The following CPQ variants were observed in gnomAD, a reference collection of about 807,000 sequenced individuals.
CPQ encodes the protein Ser-Met dipeptidase.
A neutral mutation model predicts 45.7 loss-of-function variants in CPQ; 37 were observed. The observed-to-expected ratio is 0.81, with a 90% CI of 0.62 to 1.07. CPQ has a LOEUF of 1.07. Among genes scored for constraint, CPQ ranks in the 50% least tolerant of loss-of-function variants. The pLI is 0.00. For missense variants in CPQ, 537 were observed against 572.9 expected (o/e 0.94, Z 0.64); for synonymous variants, 186 against 205.8 (o/e 0.90, Z 0.82).
At chr8:97,109,272 G>A (rs1811461768) in intron 7 of CPQ, among the ~76,000 whole-genome samples, 1 of 152,134 alleles carries the variant, frequency 6.6e-6, no homozygotes, top group South Asian at 2.1e-4. Context: ...GATCTCCACT[G>A]TTGGTCTATG....
At chr8:96,817,268 CTT>C (rs1035554710) in intron 2 of CPQ, among the ~76,000 whole-genome samples, 15 of 152,128 alleles carry the variant, frequency 9.9e-5, no homozygotes, top group Non-Finnish European at 8.8e-5. Context: ...TATGGGCCCT[CTT>C]TCCTTAAATG....
intron 2 of CPQ, among the ~76,000 whole-genome samples, chr8:96,799,409 T>TGA (rs1810978004): frequency 6.6e-6 from 1 of 152,222 alleles, no homozygotes; most frequent in Non-Finnish European, 1.5e-5. Flanking sequence ...TATTTGCACA[T>TGA]GACCTCATCT....
intron 4 of CPQ, among the ~76,000 whole-genome samples, chr8:96,941,621 G>T (rs1214431957): frequency 6.6e-6 from 1 of 152,108 alleles, no homozygotes; most frequent in Non-Finnish European, 1.5e-5. Context: ...AGGCAGCTTA[G>T]AACTGAGGGT....
chr8:96,960,837 C>A (rs1813448366), intron 4 of CPQ, among the ~76,000 whole-genome samples: 1 of 151,638 alleles, frequency 6.6e-6, no homozygotes, highest in Non-Finnish European at 1.5e-5. Context: ...TTTTTTGTTG[C>A]CTATTTTTGT....
At position 97,059,848 on chromosome 8, in the gene CPQ, G is replaced by A. The variant is rs77987240; in HGVS notation, c.1054-6161G>A. 7.0e-3 allele frequency among the ~76,000 whole-genome samples: 1,068 copies of A among 152,248 alleles called. 12 individuals carry two copies. Among genetic ancestry groups the A allele is most frequent in the African/African-American group, 0.024 (1,006 of 41,550 alleles). Reference sequence around the variant, plus strand: ...ATTTACATTTACAGGGCAAGAAAGAGTTACTAAAATTGATTGCCCTGTGTC... The same window carrying A: ...ATTTACATTTACAGGGCAAGAAAGAATTACTAAAATTGATTGCCCTGTGTC... On this transcript the variant is annotated intron_variant, in intron 6 of 7. Transcript: ENST00000220763.
intron 4 of CPQ, among the ~76,000 whole-genome samples, chr8:96,921,351 A>C (rs780203613): frequency 1.3e-5 from 2 of 152,204 alleles, no homozygotes; most frequent in African/African-American, 2.4e-5. Context: ...AAATTTGCCA[A>C]TCTCAAAAGA....
chr8:96,990,221 CT>C (rs1300968873), intron 5 of CPQ, among the ~76,000 whole-genome samples: 2 of 152,208 alleles, frequency 1.3e-5, no homozygotes, highest in African/African-American at 4.8e-5. Flanking sequence ...GATGTCTCCT[CT>C]CCCTAGACCC....
intron 5 of CPQ, among the ~76,000 whole-genome samples, chr8:97,011,942 C>T (rs149896656): frequency 5.1e-4 from 78 of 152,192 alleles, no homozygotes; most frequent in African/African-American, 1.6e-3. Flanking sequence ...ACCCAGTGTG[C>T]GCGCTCTCTC....
Position 97,070,588 on chromosome 8 carries a change from A to G in CPQ, c.1255+4378A>G, listed in dbSNP as rs563989596. On this transcript the variant is annotated intron_variant, in intron 7 of 7. Transcript: ENST00000220763. The stretch of plus-strand genomic sequence containing the variant: ...AGGATACTAAGAGCCAAAAATGTAT[A>G]AAAAATATTGGGAGAATGATATAAA... Among the ~76,000 whole-genome samples the G allele has an allele frequency of 5.9e-5, 9 of 152,304 alleles. No individual in the cohort carries two copies. In the East Asian group the frequency reaches 1.3e-3, roughly 23 times the overall value.
At chr8:96,844,992 T>C (rs1333510061) in intron 3 of CPQ, among the ~76,000 whole-genome samples, 1 of 152,236 alleles carries the variant, frequency 6.6e-6, no homozygotes, top group Non-Finnish European at 1.5e-5. Context: ...GCAGCAAATA[T>C]TCTATTTCAA....
chr8:96,795,536 G>A (rs1810916902), intron 2 of CPQ, among the ~76,000 whole-genome samples: 1 of 152,088 alleles, frequency 6.6e-6, no homozygotes, highest in South Asian at 2.1e-4. Context: ...ATATGCATAT[G>A]TATTTTATTT....
At chr8:96,698,193 A>G (rs929298518) in intron 1 of CPQ, among the ~76,000 whole-genome samples, 3 of 152,130 alleles carry the variant, frequency 2.0e-5, no homozygotes, top group South Asian at 2.1e-4. Flanking sequence ...AAATAAATCT[A>G]TACATCTATG....
intron 1 of CPQ, among the ~76,000 whole-genome samples, chr8:96,702,112 A>G (rs1809469671): frequency 1.3e-5 from 2 of 152,212 alleles, no homozygotes; most frequent in Admixed American, 1.3e-4. Context: ...GGCTGTTTGC[A>G]GAACTGCGGG....
chr8:96,721,342 TC>T (rs1319550678), intron 1 of CPQ, among the ~76,000 whole-genome samples: 3 of 152,038 alleles, frequency 2.0e-5, no homozygotes, highest in Non-Finnish European at 4.4e-5. Context: ...GTTTTTATTC[TC>T]TCAGAGATTG....
chr8:96,869,864 G>T (rs764398241), intron 3 of CPQ, among the ~76,000 whole-genome samples: 41 of 152,126 alleles, frequency 2.7e-4, no homozygotes, highest in Non-Finnish European at 4.6e-4. Context: ...AAAGGTCAAA[G>T]AGGTGATTCT....
At chr8:96,959,934 T>C (rs1039834712) in intron 4 of CPQ, among the ~76,000 whole-genome samples, 2 of 151,622 alleles carry the variant, frequency 1.3e-5, no homozygotes, top group African/African-American at 4.8e-5. Flanking sequence ...GTAGCTGTCT[T>C]TCTGGTTTTT....
At chr8:96,757,360 A>G (rs768216826) in intron 1 of CPQ, among the ~76,000 whole-genome samples, 591 of 20,726 alleles carry the variant, frequency 0.029, 5 homozygotes, top group African/African-American at 0.054. Flanking sequence ...CAATGATAAT[A>G]ATAATAATAA....
intron 1 of CPQ, among the ~76,000 whole-genome samples, chr8:96,670,928 C>A (rs375549192): frequency 6.9e-6 from 1 of 145,024 alleles, no homozygotes; most frequent in African/African-American, 2.9e-5. Flanking sequence ...AGCAACAGGA[C>A]GGACGGATCC....
intron 1 of CPQ, among the ~76,000 whole-genome samples, chr8:96,668,871 C>CAA (rs113480247): frequency 3.1e-5 from 4 of 129,492 alleles, no homozygotes; most frequent in African/African-American, 1.1e-4. Flanking sequence ...ATGGTGCAGA[C>CAA]AAAAAAAAAA....
Sources: allele counts gnomAD v4.1 joint callset (sites outside exome capture counted in the v4.1 genomes callset), GRCh38; gene constraint gnomAD v4.1.1; transcripts MANE v1.5; gene names NCBI Gene and HGNC (gene_info 2026-07-23, HGNC 2026-07-21).